Variants in FCHO2 observed in about 807,000 individuals in gnomAD.
FCHO2 encodes the protein FCH and mu domain containing endocytic adaptor 2.
Under a neutral mutation model 114.1 loss-of-function variants are expected in FCHO2, and 43 were observed. The ratio of observed to expected loss-of-function variants is 0.38; its 90% CI spans 0.30 to 0.49. The LOEUF is 0.49. Ranked by LOEUF, FCHO2 falls within the 20% of genes least tolerant of loss-of-function variation. FCHO2 has a pLI of 0.97. For synonymous variants in FCHO2, 293 were observed against 315.2 expected, an observed-to-expected ratio of 0.93 and a Z score of 0.75; for missense variants, 807 against 950.4, an observed-to-expected ratio of 0.85 and a Z score of 1.98.
At chr5:73,034,582 A>C (rs1561465384) in intron 8 of FCHO2, 75 bp from the exon 9 acceptor site, 7 of 1,161,562 alleles carry the variant, frequency 6.0e-6, no homozygotes, top group Non-Finnish European at 8.6e-6. Flanking sequence ...AAAAATTTAA[A>C]ATGTAAAAAA....
chr5:73,051,381 T>C lies in FCHO2; in HGVS notation c.972T>C (p.Ser324=). The change falls in exon 12 of 26, where the codon AGT becomes AGC. Residue 324 remains serine (S), a synonymous_variant. Transcript: ENST00000430046. The part of the protein sequence containing the change: ...NIPDVDEEGY[S]IKPETNQNDT... ...CTGATGTAGATGAAGAAGGCTACAG[T>C]ATTAAACCAGAAACAAATCAGAATG... 6.5e-7 allele frequency: 1 copy of C among 1,535,904 alleles called. No homozygotes were observed. Among genetic ancestry groups the C allele is most frequent in the South Asian group, 1.2e-5 (1 of 82,738 alleles).
intron 1 of FCHO2, 141 bp downstream of exon 1, chr5:72,956,270 G>A (rs1008350241): frequency 1.7e-6 from 2 of 1,177,598 alleles, no homozygotes; most frequent in African/African-American, 3.3e-5. Flanking sequence ...CCTGGGTGAG[G>A]TCCGGCGGGC....
intron 20 of FCHO2, among the ~76,000 whole-genome samples, chr5:73,076,070 T>A (rs1742896272): frequency 6.6e-6 from 1 of 152,050 alleles, no homozygotes; most frequent in Non-Finnish European, 1.5e-5. Context: ...CAAAGGAATT[T>A]GAGAGAGCAA....
At chr5:73,013,523 G>T (rs1378041397) in intron 6 of FCHO2, among the ~76,000 whole-genome samples, 1 of 152,170 alleles carries the variant, frequency 6.6e-6, no homozygotes, top group Non-Finnish European at 1.5e-5. Flanking sequence ...ATTTCCCAAA[G>T]CCTGTTTTGA....
chr5:72,978,776 A>G (rs945061677), intron 2 of FCHO2, among the ~76,000 whole-genome samples: 5 of 152,226 alleles, frequency 3.3e-5, no homozygotes, highest in African/African-American at 4.8e-5. Flanking sequence ...GTTTTGAGAT[A>G]CATTCCACCA....
chr5:73,068,814 G>C, intron 19 of FCHO2, 35 bp downstream of exon 19: 1 of 1,598,042 alleles, frequency 6.3e-7, no homozygotes, highest in Non-Finnish European at 8.5e-7. Flanking sequence ...GTGAAATGTA[G>C]TGTACAAAGT....
At chr5:73,083,914 C>G (rs112836181) in intron 24 of FCHO2, among the ~76,000 whole-genome samples, 1,872 of 143,802 alleles carry the variant, frequency 0.013, 56 homozygotes, top group African/African-American at 0.046. Context: ...AAAAAAAAAG[C>G]CCCCTTGCCT....
At chr5:73,027,018 G>GTTTTTTTTTTTTTTTTTTT (rs1369730233) in intron 8 of FCHO2, among the ~76,000 whole-genome samples, 8 of 107,106 alleles carry the variant, frequency 7.5e-5, no homozygotes, top group Admixed American at 1.8e-4. Flanking sequence ...TTGTTTGTTT[G>GTTTTTTTTTTTTTTTTTTT]TTTTTTTTTT....
In FCHO2 at chr5:73,058,535, A is replaced by G. The variant is rs770852754; in HGVS notation, c.1345+11A>G. ...CTTCATCATCATCAGGTAAATATAT[A>G]TATGTATATATGTATTTTTTTAAAT... On this transcript the variant is annotated intron_variant, in intron 17 of 25. Transcript: ENST00000430046. 7 of 983,338 alleles carry G rather than the reference A, an allele frequency of 7.1e-6. No homozygotes were observed. Among genetic ancestry groups the G allele is most frequent in the Middle Eastern group, 5.6e-4 (2 of 3,564 alleles). The allele number at this position is 983,338 out of a possible 1,614,324, so 60.9% of individuals were successfully genotyped here.
At chr5:72,985,523 A>G (rs1297389376) in intron 2 of FCHO2, among the ~76,000 whole-genome samples, 1 of 152,170 alleles carries the variant, frequency 6.6e-6, no homozygotes, top group East Asian at 1.9e-4. Context: ...CCAGAGGCAT[A>G]TATTATCCAA....
At chr5:73,009,490 C>A (rs1475394289) in intron 6 of FCHO2, among the ~76,000 whole-genome samples, 1 of 152,040 alleles carries the variant, frequency 6.6e-6, no homozygotes, top group African/African-American at 2.4e-5. Flanking sequence ...CATTTTTTTC[C>A]AAAATGGCAT....
intron 5 of FCHO2, among the ~76,000 whole-genome samples, chr5:73,003,420 C>T (rs926056775): frequency 6.6e-6 from 1 of 152,056 alleles, no homozygotes; most frequent in South Asian, 2.1e-4. Flanking sequence ...CAAGTGATTC[C>T]TCCTGCCTTG....
chr5:73,068,890 G>T (rs996514468), intron 19 of FCHO2, 111 bp downstream of exon 19: 1 of 1,281,434 alleles, frequency 7.8e-7, no homozygotes, highest in African/African-American at 1.5e-5. Flanking sequence ...TATAAATTTT[G>T]TTTTTCTGGA....
chr5:73,004,047 CAAAAAAAAAAAA>C (rs34849736), intron 5 of FCHO2, among the ~76,000 whole-genome samples: 1 of 26,492 alleles, frequency 3.8e-5, no homozygotes, highest in African/African-American at 1.4e-4. Context: ...GACTCCATCT[CAAAAAAAAAAAA>C]AAAAAAAAAA....
chr5:73,050,696 C>A (rs1247281550), intron 11 of FCHO2, among the ~76,000 whole-genome samples: 1 of 152,092 alleles, frequency 6.6e-6, no homozygotes, highest in African/African-American at 2.4e-5. Context: ...GATTATATTG[C>A]CATACTGTAT....
chr5:73,037,649 T>C (rs1756587341), intron 10 of FCHO2: 3 of 279,632 alleles, frequency 1.1e-5, no homozygotes, highest in Non-Finnish European at 2.1e-5. Flanking sequence ...TATACATACA[T>C]TGATGGAAAA....
chr5:72,987,644 G>A (rs918897394), intron 2 of FCHO2, among the ~76,000 whole-genome samples: 4 of 152,074 alleles, frequency 2.6e-5, no homozygotes, highest in African/African-American at 9.7e-5. Context: ...GGCTGATTAG[G>A]GATGTTTAAT....
intron 2 of FCHO2, among the ~76,000 whole-genome samples, chr5:72,982,191 G>A (rs569046535): frequency 2.0e-5 from 3 of 152,202 alleles, no homozygotes; most frequent in African/African-American, 7.2e-5. Flanking sequence ...GTGCTTCCTG[G>A]ATAGGGTGAT....
At chr5:72,963,531 TG>T (rs1751989506) in intron 1 of FCHO2, among the ~76,000 whole-genome samples, 1 of 152,148 alleles carries the variant, frequency 6.6e-6, no homozygotes, top group Non-Finnish European at 1.5e-5. Context: ...TAGGTTTCCA[TG>T]GAATGGATAG....
Sources: gnomAD v4.1 joint callset for allele counts (sites outside exome capture counted in the v4.1 genomes callset) on GRCh38, gnomAD v4.1.1 for gene constraint, MANE v1.5 for transcripts, NCBI Gene and HGNC (gene_info 2026-07-23, HGNC 2026-07-21) for gene names.